The following RTN1 variants were observed in gnomAD, a reference collection of about 807,000 sequenced individuals.
RTN1 encodes reticulon-1.
RTN1 carries 25 observed loss-of-function variants against 65.5 expected under a neutral mutation model. That is an observed-to-expected ratio of 0.38 (90% confidence interval 0.28 to 0.53). The LOEUF is 0.53. Ranked by LOEUF, RTN1 falls within the 20% of genes least tolerant of loss-of-function variation. The pLI is 0.79. For synonymous variants in RTN1, 471 were observed against 447.6 expected (o/e 1.05, Z -0.66); for missense variants, 983 against 1,025.4 (o/e 0.96, Z 0.57).
At chr14:59,673,332 C>G (rs1221053334) in intron 3 of RTN1, among the ~76,000 whole-genome samples, 4 of 152,042 alleles carry the variant, frequency 2.6e-5, no homozygotes, top group Non-Finnish European at 2.9e-5. Context: ...GGAGTGGTAC[C>G]CAGTGGCTTT....
intron 3 of RTN1, among the ~76,000 whole-genome samples, chr14:59,643,518 T>A (rs1035532601): frequency 6.6e-6 from 1 of 152,216 alleles, no homozygotes; most frequent in Non-Finnish European, 1.5e-5. Context: ...ACACCTGGCC[T>A]CCTGAACTTT....
In RTN1 at chr14:59,727,268, G is replaced by A. The variant is rs745697586; in HGVS notation, c.1416C>T (p.Asp472=). ...GGCTCTCCTCCGAGGCCGAGGAGGC[G>A]TCGCACGACTCGATGATGAGCTCGC... The part of the protein sequence containing the change: ...LDSELIIESC[D]ASSASEESPK... The change falls in exon 3 of 9, where the codon GAC becomes GAT. Residue 472 remains aspartate (D), a synonymous_variant. Transcript: ENST00000267484. The surrounding 1 kb of genome is among the most constrained non-coding windows in gnomAD (Gnocchi z 4.2). The A allele has an allele frequency of 1.0e-4, 153 of 1,511,632 alleles. No individual in the cohort carries two copies. In the Admixed American group the frequency reaches 1.6e-3, roughly 16 times the overall value. 93.6% of individuals were successfully genotyped at this position (1,511,632 alleles called of 1,614,324 possible).
intron 3 of RTN1, among the ~76,000 whole-genome samples, chr14:59,673,402 G>A (rs1478826792): frequency 9.9e-5 from 15 of 152,190 alleles, no homozygotes; most frequent in Admixed American, 5.2e-4. Flanking sequence ...TGTTCCTGCT[G>A]CCCACAGCTT....
In RTN1 at chr14:59,870,759, C is replaced by A; in HGVS notation, c.-129G>T. 9.6e-7 allele frequency: 1 copy of A among 1,044,576 alleles called. No homozygotes were observed. Among genetic ancestry groups the A allele is most frequent in the Non-Finnish European group, 1.2e-6 (1 of 813,602 alleles). 64.7% of individuals were successfully genotyped at this position (1,044,576 alleles called of 1,614,324 possible). A position where few individuals can be genotyped will look rare whatever the true frequency, so the allele number is the denominator to read the frequency against. On this transcript the variant is annotated 5_prime_UTR_variant, in exon 1 of 9. Transcript: ENST00000267484. The surrounding 1 kb of genome is among the most constrained non-coding windows in gnomAD (Gnocchi z 5.1). ...GGAAGCTGCGGTGTCTCAGCGTCGC[C>A]GCCGCCTCTGCTGCAACTCCGCCGA...
intron 3 of RTN1, among the ~76,000 whole-genome samples, chr14:59,611,011 C>T (rs1166975549): frequency 6.6e-6 from 1 of 152,178 alleles, no homozygotes; most frequent in Non-Finnish European, 1.5e-5. Context: ...CTGGCTTCCC[C>T]CCACCCACAA....
At chr14:59,629,037 G>A (rs958706391) in intron 3 of RTN1, among the ~76,000 whole-genome samples, 3 of 152,278 alleles carry the variant, frequency 2.0e-5, no homozygotes, top group African/African-American at 7.2e-5. Context: ...TCTAAACACA[G>A]AACAAGAATA....
At chr14:59,608,422 G>A (rs577872947) in intron 3 of RTN1, among the ~76,000 whole-genome samples, 7 of 152,224 alleles carry the variant, frequency 4.6e-5, no homozygotes, top group Admixed American at 1.3e-4. Flanking sequence ...AGGTTGAAGA[G>A]AGCAGGGAGC....
chr14:59,699,609 G>C (rs947457030), intron 3 of RTN1, among the ~76,000 whole-genome samples: 5 of 152,166 alleles, frequency 3.3e-5, no homozygotes, highest in South Asian at 2.1e-4. Context: ...TCAAGCAATG[G>C]AGATGACAAT....
intron 3 of RTN1, among the ~76,000 whole-genome samples, chr14:59,675,078 A>C (rs201306850): frequency 1.7e-5 from 2 of 118,090 alleles, no homozygotes; most frequent in East Asian, 2.5e-4. Context: ...CACACACACA[A>C]ACACACACAC....
intron 3 of RTN1, among the ~76,000 whole-genome samples, chr14:59,628,227 A>G (rs894251070): frequency 3.3e-5 from 5 of 152,206 alleles, no homozygotes; most frequent in Non-Finnish European, 4.4e-5. Flanking sequence ...AAACTCACCT[A>G]GGGAGCTTTT....
chr14:59,736,712 A>C (rs1385171732), intron 2 of RTN1, among the ~76,000 whole-genome samples: 1 of 152,196 alleles, frequency 6.6e-6, no homozygotes. Flanking sequence ...AAACCTGGAA[A>C]AGATACAACA....
chr14:59,624,461 TTTTC>T (rs1453164411), intron 3 of RTN1, among the ~76,000 whole-genome samples: 3 of 151,844 alleles, frequency 2.0e-5, no homozygotes, highest in African/African-American at 7.2e-5. Context: ...CTGTATTTTC[TTTTC>T]TTTTTTTTTT....
chr14:59,709,964 T>A (rs1419209218), intron 3 of RTN1, among the ~76,000 whole-genome samples: 1 of 151,976 alleles, frequency 6.6e-6, no homozygotes, highest in African/African-American at 2.4e-5. Context: ...CCTTTTTAAT[T>A]TTATTTCCCT....
intron 3 of RTN1, among the ~76,000 whole-genome samples, chr14:59,718,011 T>A (rs947717384): frequency 5.3e-5 from 8 of 152,198 alleles, no homozygotes; most frequent in African/African-American, 1.7e-4. Flanking sequence ...TTCAACAAAC[T>A]GCTTCCGATA....
At chr14:59,647,206 A>G (rs1009221919) in intron 3 of RTN1, among the ~76,000 whole-genome samples, 1 of 151,978 alleles carries the variant, frequency 6.6e-6, no homozygotes, top group Non-Finnish European at 1.5e-5. Context: ...AAAAGACAAG[A>G]GCGTTACATA....
chr14:59,720,739 T>A (rs989468562), intron 3 of RTN1, among the ~76,000 whole-genome samples: 13 of 138,748 alleles, frequency 9.4e-5, no homozygotes, highest in Non-Finnish European at 1.4e-4. Flanking sequence ...AAAAAAAAAA[T>A]ACTCTAAGGT....
intron 3 of RTN1, among the ~76,000 whole-genome samples, chr14:59,654,603 A>T (rs1393291499): frequency 6.6e-6 from 1 of 152,080 alleles, no homozygotes; most frequent in Non-Finnish European, 1.5e-5. Context: ...AACTGAAGCC[A>T]GCAACATATA....
intron 3 of RTN1, chr14:59,630,760 C>T (rs1030001134): frequency 9.3e-7 from 1 of 1,078,288 alleles, no homozygotes; most frequent in Non-Finnish European, 1.1e-6. Flanking sequence ...CTCCACGCGA[C>T]AGCGTTGGCT....
intron 3 of RTN1, among the ~76,000 whole-genome samples, chr14:59,723,729 G>A (rs952473624): frequency 6.6e-6 from 1 of 152,168 alleles, no homozygotes; most frequent in Admixed American, 6.5e-5. Context: ...GATTCAGTAC[G>A]TCTTGGAAGC....
Sources: gnomAD v4.1 joint callset for allele counts (sites outside exome capture counted in the v4.1 genomes callset) on GRCh38, gnomAD v4.1.1 for gene constraint, Gnocchi (gnomAD v3.1) non-coding constraint, MANE v1.5 for transcripts, NCBI Gene and HGNC (gene_info 2026-07-23, HGNC 2026-07-21) for gene names.